TBC1D30: variants seen among roughly 807,000 people sequenced by gnomAD.
The protein encoded by TBC1D30 is TBC1 domain family, member 30.
TBC1D30 carries 31 observed loss-of-function variants against 63.2 expected under a neutral mutation model. The observed-to-expected ratio is 0.49, with a 90% confidence interval of 0.37 to 0.66. The LOEUF (loss-of-function observed/expected upper bound fraction) is 0.66, where lower values mean the gene tolerates loss of function less well. Among genes scored for constraint, TBC1D30 ranks in the 30% least tolerant of loss-of-function variants. The pLI is 0.00. For synonymous variants in TBC1D30, 307 were observed against 361.5 expected (o/e 0.85, Z 1.71); for missense variants, 810 against 953.6 (o/e 0.85, Z 1.98).
chr12:64,860,023 T>TC (rs2136448214), intron 8 of TBC1D30, among the ~76,000 whole-genome samples: 1 of 151,952 alleles, frequency 6.6e-6, no homozygotes, highest in East Asian at 1.9e-4. Flanking sequence ...TCTTCTTTTT[T>TC]TTTTTTTTTT....
At chr12:64,836,098 A>G (rs893729230) in intron 5 of TBC1D30, among the ~76,000 whole-genome samples, 1 of 152,094 alleles carries the variant, frequency 6.6e-6, no homozygotes, top group African/African-American at 2.4e-5. Context: ...TAGTTTTCAT[A>G]TTGAGGTTGT....
At position 64,788,831 on chromosome 12, in the gene TBC1D30, C is replaced by T. The variant is rs549007066; in HGVS notation, c.643+2786C>T. Among the ~76,000 whole-genome samples, 5 of 152,210 alleles carry T rather than the reference C, an allele frequency of 3.3e-5. No individual in the cohort carries two copies. The South Asian group carries it at 1.0e-3, about 32-fold the overall frequency. On this transcript the variant is annotated intron_variant, in intron 2 of 12. Coordinates refer to the TBC1D30 transcript ENST00000542120. ...AATGTTTTTTGGTAAGAAATAACTGCATTAGAATTATTACTTTCATCACAG... is the reference window on the plus strand; with the variant it reads ...AATGTTTTTTGGTAAGAAATAACTGTATTAGAATTATTACTTTCATCACAG...
intron 2 of TBC1D30, among the ~76,000 whole-genome samples, chr12:64,817,608 A>T (rs1169342042): frequency 1.3e-5 from 2 of 152,202 alleles, no homozygotes; most frequent in South Asian, 4.2e-4. Context: ...GTTGATTCCA[A>T]TCTCTCTCCT....
chr12:64,766,110 AT>A (rs1478859051), intron 1 of TBC1D30, among the ~76,000 whole-genome samples: 30 of 152,168 alleles, frequency 2.0e-4, no homozygotes, highest in Non-Finnish European at 8.8e-5. Flanking sequence ...TGGGGGGGAG[AT>A]AAGTCAACTT....
chr12:64,871,345 C>T (rs1878642279), intron 11 of TBC1D30, among the ~76,000 whole-genome samples: 1 of 152,188 alleles, frequency 6.6e-6, no homozygotes, highest in Admixed American at 6.5e-5. Context: ...ATGCTCTTTT[C>T]CAAGGATTGC....
In TBC1D30 at chr12:64,767,296, C is replaced by CCTAT. The variant is rs1432901743; in HGVS notation, c.-376+7649_-376+7652dup. ...ACAAAATTGTCAAATCTTGGTGGTCCCTATCAGAGATATCCCATATCTCCA... is the reference window on the plus strand; with the variant it reads ...ACAAAATTGTCAAATCTTGGTGGTCCCTATCTATCAGAGATATCCCATATCTCCA... On this transcript the variant is annotated intron_variant, in intron 1 of 13. Transcript: ENST00000674237. Among the ~76,000 whole-genome samples, 3 of 151,184 alleles carry CCTAT rather than the reference C, an allele frequency of 2.0e-5. No individual in the cohort carries two copies. In the East Asian group the frequency reaches 5.9e-4, roughly 30 times the overall value.
chr12:64,865,764 G>A (rs1878157012), intron 9 of TBC1D30, among the ~76,000 whole-genome samples: 1 of 152,142 alleles, frequency 6.6e-6, no homozygotes, highest in South Asian at 2.1e-4. Flanking sequence ...GCTGAGGCAG[G>A]AGGATTGCTT....
At position 64,831,859 on chromosome 12, in the gene TBC1D30, G is replaced by A. The variant is rs576151632; in HGVS notation, c.409-260G>A. On this transcript the variant is annotated intron_variant, in intron 4 of 11. Coordinates refer to ENST00000539867, the MANE Select transcript of TBC1D30 (RefSeq NM_015279.2). Reference sequence around the variant, plus strand: ...TTGTTAATTCTGAGCTACTTTTTGTGGTAATCCTGGAAACGTTTTAAGTTG... The same window carrying A: ...TTGTTAATTCTGAGCTACTTTTTGTAGTAATCCTGGAAACGTTTTAAGTTG... 2.6e-5 allele frequency among the ~76,000 whole-genome samples: 4 copies of A among 152,094 alleles called. No homozygotes were observed. In the South Asian group the frequency reaches 6.2e-4, roughly 24 times the overall value.
intron 1 of TBC1D30, among the ~76,000 whole-genome samples, chr12:64,765,490 CAAAAAAAAAAAAA>C (rs60489979): frequency 2.3e-4 from 4 of 17,604 alleles, no homozygotes; most frequent in East Asian, 4.3e-3. Flanking sequence ...AGACTGTCTC[CAAAAAAAAAAAAA>C]AAAAAAAAAA....
intron 8 of TBC1D30, among the ~76,000 whole-genome samples, chr12:64,861,002 G>A (rs1290278604): frequency 6.6e-6 from 1 of 152,224 alleles, no homozygotes; most frequent in Non-Finnish European, 1.5e-5. Flanking sequence ...TGTGTTGGAT[G>A]CCATCTTTGT....
At chr12:64,863,575 C>T (rs1877971746) in intron 8 of TBC1D30, among the ~76,000 whole-genome samples, 1 of 152,198 alleles carries the variant, frequency 6.6e-6, no homozygotes, top group Non-Finnish European at 1.5e-5. Flanking sequence ...TAGCCAACAC[C>T]TACTTGTTTG....
At chr12:64,793,489 C>CGAAA (rs1302014466) in intron 2 of TBC1D30, among the ~76,000 whole-genome samples, 66 of 115,478 alleles carry the variant, frequency 5.7e-4, no homozygotes, top group Admixed American at 5.3e-4. Context: ...ACCAAAAATA[C>CGAAA]AAAAAAAAAA....
At chr12:64,815,694 A>T (rs1486465620) in intron 2 of TBC1D30, among the ~76,000 whole-genome samples, 1 of 152,212 alleles carries the variant, frequency 6.6e-6, no homozygotes, top group African/African-American at 2.4e-5. Flanking sequence ...ATTTCAGATG[A>T]TGACTTGGGT....
chr12:64,836,007 A>T (rs1398863169), intron 5 of TBC1D30, among the ~76,000 whole-genome samples: 1 of 152,222 alleles, frequency 6.6e-6, no homozygotes, highest in Non-Finnish European at 1.5e-5. Context: ...AGCCAACATG[A>T]GTTGCTCTAA....
rs936589434 is a variant in TBC1D30, at chr12:64,876,651, T to C, written c.*863T>C. The C allele has an allele frequency of 2.5e-5, 10 of 396,070 alleles. No individual in the cohort carries two copies. The highest frequency in any genetic ancestry group is 4.6e-5 in the Non-Finnish European group (9 of 195,978). 24.5% of individuals were successfully genotyped at this position (396,070 alleles called of 1,614,324 possible). A position where few individuals can be genotyped will look rare whatever the true frequency, so the allele number is the denominator to read the frequency against. On this transcript the variant is annotated 3_prime_UTR_variant, in exon 12 of 12. Transcript: ENST00000539867. ...CCACACAGCTCACTCACCCACCAGC[T>C]CTAGACTGCAGACGCACAAGGCCTC...
At chr12:64,870,877 C>T in intron 11 of TBC1D30, 69 bp downstream of exon 11, 1 of 1,467,434 alleles carries the variant, frequency 6.8e-7, no homozygotes, top group East Asian at 2.5e-5. Flanking sequence ...ACAAATAATC[C>T]TAGGAAGGCC....
At chr12:64,860,017 C>CTTTTTTT (rs534789255) in intron 8 of TBC1D30, among the ~76,000 whole-genome samples, 1 of 138,038 alleles carries the variant, frequency 7.2e-6, no homozygotes, top group Non-Finnish European at 1.6e-5. Context: ...GATTCTTCTT[C>CTTTTTTT]TTTTTTTTTT....
Position 64,843,559 on chromosome 12 carries a change from G to A in TBC1D30, c.1038+74G>A, listed in dbSNP as rs182274355. 6.4e-4 allele frequency: 723 copies of A among 1,128,274 alleles called. 2 individuals carry two copies. The African/African-American group carries it at 0.01, about 16-fold the overall frequency. 69.9% of individuals were successfully genotyped at this position (1,128,274 alleles called of 1,614,324 possible). ...TGGGAACAACCAGTGCCAGAGCAGC[G>A]GTCTTGAGAAATGTGCTTGGTTAGC... On this transcript the variant is annotated intron_variant, in intron 8 of 11. Transcript: ENST00000539867.
intron 2 of TBC1D30, among the ~76,000 whole-genome samples, chr12:64,807,917 A>ATTTTTTTTTTTTTTTTTTTTTTTTTTT: frequency 6.1e-5 from 3 of 49,504 alleles, no homozygotes; most frequent in African/African-American, 5.8e-4. Flanking sequence ...GCCTAATTTA[A>ATTTTTTTTTTTTTTTTTTTTTTTTTTT]GTTTTTTTTT....
Sources: allele counts gnomAD v4.1 joint callset (sites outside exome capture counted in the v4.1 genomes callset), GRCh38; gene constraint gnomAD v4.1.1; transcripts MANE v1.5; gene names NCBI Gene and HGNC (gene_info 2026-07-23, HGNC 2026-07-21).